CEMIP2: variants seen among roughly 807,000 people sequenced by gnomAD.
CEMIP2 encodes cell surface hyaluronidase CEMIP2.
In CEMIP2, 79 loss-of-function variants were observed where a neutral mutation model predicts 146.9. The observed-to-expected ratio is 0.54, with a 90% CI of 0.45 to 0.65. CEMIP2 has a LOEUF of 0.65. CEMIP2 is among the 30% of genes least tolerant of loss of function. CEMIP2 has a pLI of 0.00. For synonymous variants in CEMIP2, 601 were observed against 606.3 expected, an observed-to-expected ratio of 0.99 and a Z score of 0.13; for missense variants, 1,596 against 1,696.2, an observed-to-expected ratio of 0.94 and a Z score of 1.04.
chr9:71,698,542 T>C (rs1822466389), intron 19 of CEMIP2, among the ~76,000 whole-genome samples: 1 of 152,222 alleles, frequency 6.6e-6, no homozygotes, highest in Admixed American at 6.5e-5. Context: ...ACATAATGTG[T>C]TGAGTTTAGG....
chr9:71,715,143 T>C, intron 14 of CEMIP2, 54 bp from the exon 15 acceptor site: 1 of 1,585,580 alleles, frequency 6.3e-7, no homozygotes, highest in Non-Finnish European at 8.6e-7. Flanking sequence ...TTTAAATGTA[T>C]TCCCAAATGT....
chr9:71,713,900 T>C (rs1436203411), intron 15 of CEMIP2, among the ~76,000 whole-genome samples: 4 of 152,220 alleles, frequency 2.6e-5, no homozygotes, highest in African/African-American at 9.6e-5. Context: ...ATTTAATACA[T>C]GTTAGCAATT....
intron 5 of CEMIP2, among the ~76,000 whole-genome samples, chr9:71,737,787 C>G (rs1823803207): frequency 6.6e-6 from 1 of 152,128 alleles, no homozygotes. Context: ...CCTAACAAAT[C>G]TAAAATGTTT....
chr9:71,751,568 T>C (rs1405304283), intron 1 of CEMIP2, among the ~76,000 whole-genome samples: 1 of 152,216 alleles, frequency 6.6e-6, no homozygotes, highest in African/African-American at 2.4e-5. Flanking sequence ...TCACTGTGCC[T>C]AAGAATCATC....
intron 22 of CEMIP2, chr9:71,687,045 G>A (rs530988110): frequency 5.3e-5 from 8 of 152,236 alleles, no homozygotes; most frequent in East Asian, 3.9e-4. Context: ...TGGATTCTCC[G>A]TTCTTCTCTG....
At chr9:71,725,954 T>C (rs957150603) in intron 10 of CEMIP2, among the ~76,000 whole-genome samples, 2 of 152,208 alleles carry the variant, frequency 1.3e-5, no homozygotes, top group African/African-American at 4.8e-5. Flanking sequence ...AATTGGCTGG[T>C]ATAAAAATTC....
chr9:71,732,060 GT>G (rs749295018), intron 7 of CEMIP2, among the ~76,000 whole-genome samples: 23 of 149,890 alleles, frequency 1.5e-4, no homozygotes, highest in African/African-American at 4.9e-4. Context: ...AGAGCCTTCA[GT>G]TTTTTTTTGT....
At chr9:71,758,020 G>C (rs1395300935) in intron 1 of CEMIP2, among the ~76,000 whole-genome samples, 1 of 152,070 alleles carries the variant, frequency 6.6e-6, no homozygotes, top group African/African-American at 2.4e-5. Context: ...GGGTAGGGAG[G>C]AATCTTTCTA....
At chr9:71,697,661 T>C (rs1161951150) in intron 20 of CEMIP2, among the ~76,000 whole-genome samples, 1 of 152,112 alleles carries the variant, frequency 6.6e-6, no homozygotes, top group Non-Finnish European at 1.5e-5. Context: ...GGCATGTAAA[T>C]CCAACAGTCA....
chr9:71,726,297 C>A (rs2131949898), intron 10 of CEMIP2, among the ~76,000 whole-genome samples: 1 of 152,136 alleles, frequency 6.6e-6, no homozygotes, highest in East Asian at 1.9e-4. Flanking sequence ...TTAATAGGAA[C>A]ATAACAGTTT....
intron 21 of CEMIP2, among the ~76,000 whole-genome samples, chr9:71,692,259 A>G (rs79200119): frequency 2.6e-5 from 4 of 151,830 alleles, no homozygotes; most frequent in Non-Finnish European, 5.9e-5. Context: ...AACAGAGTCA[A>G]ACAATGTTTT....
chr9:71,717,587 A>C (rs777917439), intron 13 of CEMIP2, among the ~76,000 whole-genome samples: 1 of 152,240 alleles, frequency 6.6e-6, no homozygotes, highest in African/African-American at 2.4e-5. Flanking sequence ...TGGCAATAGA[A>C]GAGCATCAGA....
intron 7 of CEMIP2, 109 bp downstream of exon 7, chr9:71,732,242 T>C: frequency 2.6e-6 from 3 of 1,144,396 alleles, no homozygotes; most frequent in Non-Finnish European, 3.7e-6. Context: ...AAACAAAACA[T>C]GATTTGCTTT....
At chr9:71,710,330 T>C (rs914803852) in intron 16 of CEMIP2, among the ~76,000 whole-genome samples, 2 of 152,210 alleles carry the variant, frequency 1.3e-5, no homozygotes, top group Non-Finnish European at 2.9e-5. Context: ...TTTATGCACT[T>C]TTTGCCCTGG....
At chr9:71,755,347 AC>A (rs1197489757) in intron 1 of CEMIP2, among the ~76,000 whole-genome samples, 2 of 2,276 alleles carry the variant, frequency 8.8e-4, no homozygotes, top group Non-Finnish European at 1.7e-3. Flanking sequence ...CCCTGTCTCT[AC>A]ACACACACAC....
At chr9:71,694,829 T>G (rs1448142043) in intron 20 of CEMIP2, among the ~76,000 whole-genome samples, 1 of 152,252 alleles carries the variant, frequency 6.6e-6, no homozygotes, top group Non-Finnish European at 1.5e-5. Flanking sequence ...ATAAATATTA[T>G]TCTTGTTGTT....
intron 17 of CEMIP2, 169 bp from the exon 18 acceptor site, chr9:71,704,972 C>G (rs1822692622): frequency 3.3e-6 from 2 of 613,884 alleles, no homozygotes; most frequent in African/African-American, 3.7e-5. Context: ...TATAGTGCAG[C>G]CTACTTAAAC....
At chr9:71,737,798 T>C (rs1299488935) in intron 5 of CEMIP2, among the ~76,000 whole-genome samples, 1 of 152,240 alleles carries the variant, frequency 6.6e-6, no homozygotes, top group Admixed American at 6.5e-5. Context: ...TAAAATGTTT[T>C]CTGAATATGT....
intron 21 of CEMIP2, among the ~76,000 whole-genome samples, chr9:71,692,524 G>A (rs13295610): frequency 0.18 from 26,884 of 151,834 alleles, 2,510 homozygotes; most frequent in East Asian, 0.36. Context: ...CAGATGCTGA[G>A]CTAGCAAATT....
Sources: allele counts gnomAD v4.1 joint callset (sites outside exome capture counted in the v4.1 genomes callset), GRCh38; gene constraint gnomAD v4.1.1; transcripts MANE v1.5; gene names NCBI Gene and HGNC (gene_info 2026-07-23, HGNC 2026-07-21).